Variants in CACNA1A observed in about 807,000 individuals in gnomAD.
CACNA1A encodes the protein voltage-dependent P/Q-type calcium channel subunit alpha-1A.
CACNA1A carries 57 observed loss-of-function variants against 262.4 expected under a neutral mutation model. The observed-to-expected ratio is 0.22, with a 90% CI of 0.18 to 0.27. CACNA1A has a LOEUF of 0.27. Ranked by LOEUF, CACNA1A falls within the 10% of genes least tolerant of loss-of-function variation. CACNA1A has a pLI of 1.00. For missense variants in CACNA1A, 2,526 were observed against 3,562.8 expected (o/e 0.71, Z 7.41); for synonymous variants, 1,431 against 1,419.3 (o/e 1.01, Z -0.18).
chr19:13,402,533 G>GT (rs2059913805), intron 3 of CACNA1A, among the ~76,000 whole-genome samples: 1 of 148,662 alleles, frequency 6.7e-6, no homozygotes, highest in African/African-American at 2.5e-5. Flanking sequence ...AATAACTTAT[G>GT]GAAAAATAAA....
intron 3 of CACNA1A, among the ~76,000 whole-genome samples, chr19:13,436,360 G>T (rs1442789453): frequency 6.6e-6 from 1 of 152,134 alleles, no homozygotes; most frequent in African/African-American, 2.4e-5. Context: ...GAGCAGGCTG[G>T]GCAGTCCCTG....
intron 10 of CACNA1A, among the ~76,000 whole-genome samples, chr19:13,322,360 C>T (rs1370392568): frequency 6.6e-6 from 1 of 152,098 alleles, no homozygotes; most frequent in Admixed American, 6.6e-5. Flanking sequence ...CAGATTCTCC[C>T]CTAAAACCTT....
chr19:13,284,427 C>A (rs1191980372), intron 21 of CACNA1A: 2 of 152,230 alleles, frequency 1.3e-5, no homozygotes, highest in Non-Finnish European at 2.9e-5. Flanking sequence ...CCCATCTTAT[C>A]TGACATGATC....
In CACNA1A at chr19:13,321,535, A is replaced by G. The variant is rs536270080; in HGVS notation, c.1346-4214T>C. On this transcript the variant is annotated intron_variant, in intron 10 of 46. Coordinates refer to ENST00000360228, the MANE Select transcript of CACNA1A (RefSeq NM_001127222.2). ...TGTGAGCATCTTAAAGTGAACTTAC[A>G]TAAACCTAGATGTTGTAGCCTACTC... Among the ~76,000 whole-genome samples the G allele has an allele frequency of 4.6e-5, 7 of 152,344 alleles. No homozygotes were observed. The South Asian group carries it at 1.2e-3, about 27-fold the overall frequency.
chr19:13,385,230 C>CTT (rs911743392), intron 3 of CACNA1A, among the ~76,000 whole-genome samples: 7 of 139,662 alleles, frequency 5.0e-5, no homozygotes, highest in Non-Finnish European at 9.2e-5. Flanking sequence ...TTCTTTCTTT[C>CTT]TTTTTTTTTT....
intron 1 of CACNA1A, among the ~76,000 whole-genome samples, chr19:13,465,360 G>A (rs4926290): frequency 0.26 from 40,245 of 152,144 alleles, 5,382 homozygotes; most frequent in African/African-American, 0.27. Flanking sequence ...TCCACTCACT[G>A]AATATTATAC....
intron 1 of CACNA1A, among the ~76,000 whole-genome samples, chr19:13,502,419 A>G (rs1486341405): frequency 6.6e-6 from 1 of 152,184 alleles, no homozygotes; most frequent in Non-Finnish European, 1.5e-5. Flanking sequence ...GGCTGGAAAG[A>G]TGACATTCAC....
At chr19:13,493,777 A>C (rs1050680419) in intron 1 of CACNA1A, among the ~76,000 whole-genome samples, 2 of 152,256 alleles carry the variant, frequency 1.3e-5, no homozygotes, top group African/African-American at 4.8e-5. Flanking sequence ...TTATAATGGC[A>C]AAACAAACAG....
At chr19:13,258,229 A>C (rs2056626282) in intron 27 of CACNA1A, 1 of 152,226 alleles carries the variant, frequency 6.6e-6, no homozygotes, top group Non-Finnish European at 1.5e-5. Flanking sequence ...TAAGTGGCCA[A>C]GTTGGGATTT....
chr19:13,497,512 AAAAAAAAAAATATATATATATATATATAT>A lies in CACNA1A; in HGVS notation c.293+8391_293+8419del, dbSNP rs1568709489. ...TCAAAAAAAAAAAAAAAAAAAAAAAAAAAAAAAAAATATATATATATATATATATATATATATATATATATATATATATA... is the reference window on the plus strand; with the variant it reads ...TCAAAAAAAAAAAAAAAAAAAAAAAAATATATATATATATATATATATATA... On this transcript the variant is annotated intron_variant, in intron 1 of 46. Coordinates refer to ENST00000360228, the MANE Select transcript of CACNA1A (RefSeq NM_001127222.2). Among the ~76,000 whole-genome samples the A allele has an allele frequency of 1.0e-3, 47 of 45,534 alleles. 2 individuals carry two copies. The highest frequency in any genetic ancestry group is 1.3e-3 in the Non-Finnish European group (33 of 26,254). 29.9% of individuals were successfully genotyped at this position (45,534 alleles called of 152,430 possible). A position where few individuals can be genotyped will look rare whatever the true frequency, so the allele number is the denominator to read the frequency against.
At chr19:13,319,304 CATTT>C (rs2058197886) in intron 10 of CACNA1A, among the ~76,000 whole-genome samples, 1 of 152,148 alleles carries the variant, frequency 6.6e-6, no homozygotes. Context: ...TCCATTTGTT[CATTT>C]ATTCATTCAT....
intron 3 of CACNA1A, among the ~76,000 whole-genome samples, chr19:13,430,822 C>T (rs1216727153): frequency 2.0e-5 from 3 of 151,690 alleles, no homozygotes; most frequent in Admixed American, 6.6e-5. Context: ...AGCCTAGAGG[C>T]GGGGAGTGGG....
chr19:13,296,978 C>G (rs991075794), intron 19 of CACNA1A, among the ~76,000 whole-genome samples: 1 of 150,038 alleles, frequency 6.7e-6, no homozygotes, highest in African/African-American at 2.5e-5. Flanking sequence ...AGACTGGTCT[C>G]CAACTCCTGG....
At chr19:13,489,874 C>T (rs1425934931) in intron 1 of CACNA1A, among the ~76,000 whole-genome samples, 1 of 152,198 alleles carries the variant, frequency 6.6e-6, no homozygotes, top group African/African-American at 2.4e-5. Context: ...TCAGTTGTAT[C>T]TCCTGTCACC....
At chr19:13,209,547 G>A (rs2054724795) in intron 44 of CACNA1A, 49 bp from the exon 45 acceptor site, 1 of 1,246,182 alleles carries the variant, frequency 8.0e-7, no homozygotes, top group Admixed American at 3.8e-5. Context: ...CTAGCACCAA[G>A]TGGTCCCGGT....
chr19:13,491,647 T>A (rs10409910), intron 1 of CACNA1A, among the ~76,000 whole-genome samples: 107,013 of 152,092 alleles, frequency 0.7, 38,684 homozygotes, highest in African/African-American at 0.88. Context: ...GCACTAAATC[T>A]TGTGGCTGCC....
intron 19 of CACNA1A, among the ~76,000 whole-genome samples, chr19:13,294,418 G>C (rs1277599084): frequency 6.6e-6 from 1 of 151,180 alleles, no homozygotes; most frequent in East Asian, 2.0e-4. Context: ...TCGAACTCCT[G>C]GGCTCAAGCA....
chr19:13,488,390 CTTTTTT>C (rs34348281), intron 1 of CACNA1A, among the ~76,000 whole-genome samples: 54 of 77,634 alleles, frequency 7.0e-4, no homozygotes, highest in African/African-American at 2.8e-3. Flanking sequence ...TTTTTCTTTT[CTTTTTT>C]TTTTTTTTTT....
intron 24 of CACNA1A, among the ~76,000 whole-genome samples, chr19:13,264,737 T>C (rs1568474973): frequency 6.6e-6 from 1 of 152,248 alleles, no homozygotes; most frequent in Non-Finnish European, 1.5e-5. Context: ...CCTGACTGCC[T>C]ACCTCTGGCT....
Sources: allele counts gnomAD v4.1 joint callset (sites outside exome capture counted in the v4.1 genomes callset), GRCh38; gene constraint gnomAD v4.1.1; transcripts MANE v1.5; gene names NCBI Gene and HGNC (gene_info 2026-07-23, HGNC 2026-07-21).